The following LY96 variants were observed in gnomAD, a reference collection of about 807,000 sequenced individuals.
The protein encoded by LY96 is lymphocyte antigen 96, also known as myeloid differentiation protein-2.
In LY96, 18 loss-of-function variants were observed where a neutral mutation model predicts 18.9. The observed-to-expected ratio is 0.95, with a 90% CI of 0.66 to 1.41. The LOEUF (loss-of-function observed/expected upper bound fraction) is 1.41, where lower values mean the gene tolerates loss of function less well. Ranked by LOEUF, LY96 falls within the 40% of genes most tolerant of loss-of-function variation. The probability of loss-of-function intolerance (pLI) is 0.00; values close to 1 mark genes in which losing one functional copy is unlikely to be tolerated. For synonymous variants in LY96, 66 were observed against 62.6 expected (o/e 1.06, Z -0.26); for missense variants, 175 against 182.4 (o/e 0.96, Z 0.23).
chr8:73,991,612 C>T, intron 1 of LY96, 58 bp downstream of exon 1: 1 of 998,048 alleles, frequency 1.0e-6, no homozygotes. Context: ...GGTAAGTTTT[C>T]ACGAGAACCG....
the LY96 span, among the ~76,000 whole-genome samples, chr8:74,091,475 A>G: frequency 6.6e-6 from 1 of 152,214 alleles, no homozygotes; most frequent in South Asian, 2.1e-4. Context: ...TCACCCTACA[A>G]GATGACTTGT....
At chr8:74,002,198 G>C (rs1413155724) in intron 1 of LY96, among the ~76,000 whole-genome samples, 1 of 148,530 alleles carries the variant, frequency 6.7e-6, no homozygotes, top group Non-Finnish European at 1.5e-5. Flanking sequence ...GTGCAGTGGC[G>C]TGATCTCAGC....
chr8:74,072,708 A>G, the LY96 span, among the ~76,000 whole-genome samples: 1 of 149,826 alleles, frequency 6.7e-6, no homozygotes, highest in African/African-American at 2.5e-5. Context: ...TATGAAACAT[A>G]TAAGCAGTTT....
At chr8:74,010,669 A>G (rs1404732972) in intron 3 of LY96, among the ~76,000 whole-genome samples, 2 of 152,032 alleles carry the variant, frequency 1.3e-5, no homozygotes, top group African/African-American at 2.4e-5. Context: ...ATTAAATTTG[A>G]GAATGTATGT....
At chr8:74,055,038 G>T in the LY96 span, among the ~76,000 whole-genome samples, 1 of 152,046 alleles carries the variant, frequency 6.6e-6, no homozygotes, top group Admixed American at 6.6e-5. Flanking sequence ...CTCCTGAGTA[G>T]CTGGCACTAC....
the LY96 span, among the ~76,000 whole-genome samples, chr8:74,091,651 G>A: frequency 6.6e-6 from 1 of 152,188 alleles, no homozygotes; most frequent in African/African-American, 2.4e-5. Flanking sequence ...TGTTGTTTCA[G>A]ATGGTTTCTC....
chr8:74,071,568 C>T, the LY96 span, among the ~76,000 whole-genome samples: 1 of 152,162 alleles, frequency 6.6e-6, no homozygotes, highest in Non-Finnish European at 1.5e-5. Flanking sequence ...TGAACCACTT[C>T]TCCACCCAAG....
the LY96 span, among the ~76,000 whole-genome samples, chr8:74,082,981 C>A: frequency 6.6e-6 from 1 of 152,110 alleles, no homozygotes; most frequent in East Asian, 1.9e-4. Flanking sequence ...TGAGAGAGGA[C>A]TTCCTGCTTC....
intron 1 of LY96, among the ~76,000 whole-genome samples, chr8:73,996,608 G>C (rs1052749059): frequency 2.6e-5 from 4 of 151,388 alleles, no homozygotes; most frequent in African/African-American, 9.7e-5. Flanking sequence ...TAGTAGAGAC[G>C]GGGTTTCACC....
At chr8:74,017,657 T>C (rs1371657738) in intron 3 of LY96, among the ~76,000 whole-genome samples, 4 of 152,128 alleles carry the variant, frequency 2.6e-5, no homozygotes, top group African/African-American at 7.2e-5. Context: ...GAGAGAAAGG[T>C]CAGGTTATCC....
the LY96 span, among the ~76,000 whole-genome samples, chr8:74,041,789 A>T: frequency 7.2e-5 from 11 of 152,244 alleles, no homozygotes; most frequent in Non-Finnish European, 1.5e-4. Context: ...ATGTTTATCA[A>T]GACAATACAT....
At chr8:74,041,470 G>C in the LY96 span, among the ~76,000 whole-genome samples, 4 of 152,192 alleles carry the variant, frequency 2.6e-5, no homozygotes, top group African/African-American at 9.7e-5. Context: ...GGGCAGAATA[G>C]AGCCATATTT....
At chr8:74,068,083 A>AT in the LY96 span, among the ~76,000 whole-genome samples, 189 of 95,736 alleles carry the variant, frequency 2.0e-3, 6 homozygotes, top group African/African-American at 0.012. Context: ...AAAAAAAAAA[A>AT]AAAAAAATAT....
chr8:74,097,984 A>G, the LY96 span, among the ~76,000 whole-genome samples: 1 of 152,202 alleles, frequency 6.6e-6, no homozygotes, highest in Non-Finnish European at 1.5e-5. Context: ...AATGTTGGTT[A>G]AATTTTAGAG....
chr8:74,014,873 T>G (rs1285277862), intron 3 of LY96, among the ~76,000 whole-genome samples: 1 of 150,816 alleles, frequency 6.6e-6, no homozygotes, highest in African/African-American at 2.4e-5. Flanking sequence ...CAAAAACACA[T>G]TTATGAATCA....
intron 1 of LY96, among the ~76,000 whole-genome samples, chr8:74,001,832 C>T (rs1230401496): frequency 1.3e-5 from 2 of 152,000 alleles, no homozygotes; most frequent in South Asian, 2.1e-4. Context: ...AGCAGACCCC[C>T]GTATTTAAAA....
chr8:73,994,648 G>A lies in LY96; in HGVS notation c.112+3094G>A, dbSNP rs141586860. On this transcript the variant is annotated intron_variant, in intron 1 of 4. Coordinates refer to ENST00000284818, the MANE Select transcript of LY96 (RefSeq NM_015364.5). ...ACTACAGGCGTGCACCACCATGTCT[G>A]GCTAATTTTTAAGTTTTTTGTAGTG... 2.8e-3 allele frequency among the ~76,000 whole-genome samples: 427 copies of A among 152,252 alleles called. 3 individuals are homozygous for A. Among genetic ancestry groups the A allele is most frequent in the African/African-American group, 9.5e-3 (395 of 41,556 alleles).
At chr8:74,071,468 C>T in the LY96 span, among the ~76,000 whole-genome samples, 2 of 150,192 alleles carry the variant, frequency 1.3e-5, no homozygotes, top group Admixed American at 1.3e-4. Context: ...CTCCAGAATG[C>T]CTTTTGTAAT....
the LY96 span, among the ~76,000 whole-genome samples, chr8:74,039,913 A>G: frequency 1.3e-5 from 2 of 152,156 alleles, no homozygotes; most frequent in African/African-American, 4.8e-5. Context: ...CCAGCCTCCC[A>G]CAAGAAGCTG....
Sources: gnomAD v4.1 joint callset for allele counts (sites outside exome capture counted in the v4.1 genomes callset) on GRCh38, gnomAD v4.1.1 for gene constraint, MANE v1.5 for transcripts, NCBI Gene and HGNC (gene_info 2026-07-23, HGNC 2026-07-21) for gene names.